The following FMN2 variants were observed in gnomAD, a reference collection of about 807,000 sequenced individuals.
FMN2 encodes formin-2.
FMN2 carries 51 observed loss-of-function variants against 142.3 expected under a neutral mutation model. That is an observed-to-expected ratio of 0.36 (90% CI 0.29 to 0.45). The LOEUF (loss-of-function observed/expected upper bound fraction) is 0.45. FMN2 is among the 20% of genes least tolerant of loss of function. The pLI is 1.00. For synonymous variants in FMN2, 882 were observed against 869.8 expected (o/e 1.01, Z -0.25); for missense variants, 1,936 against 2,122.8 (o/e 0.91, Z 1.73).
intron 1 of FMN2, among the ~76,000 whole-genome samples, chr1:240,104,310 G>A (rs912012148): frequency 6.6e-6 from 1 of 151,446 alleles, no homozygotes; most frequent in Non-Finnish European, 1.5e-5. Flanking sequence ...TCCTCACCTC[G>A]TCCTAAGTGC....
Position 240,473,098 on chromosome 1 carries a change from C to G in FMN2, c.5142+645C>G, listed in dbSNP as rs934325900. 6.6e-6 allele frequency among the ~76,000 whole-genome samples: 1 copy of G among 152,076 alleles called. No individual in the cohort carries two copies. The highest frequency in any genetic ancestry group is 1.5e-5 in the Non-Finnish European group (1 of 68,020). On this transcript the variant is annotated intron_variant, in intron 17 of 17. Transcript: ENST00000319653. The surrounding 1 kb of genome is among the most constrained non-coding windows in gnomAD (Gnocchi z 4.3). ...CACGGCAGAGGCTGTATTTGAGCCA[C>G]GAGTGATCATTCTAATTGGATTAGA...
chr1:240,098,056 T>A (rs941743806), intron 1 of FMN2, among the ~76,000 whole-genome samples: 1 of 151,426 alleles, frequency 6.6e-6, no homozygotes, highest in Non-Finnish European at 1.5e-5. Flanking sequence ...AGAACTTGGA[T>A]TGTGCAACTC....
chr1:240,436,379 C>G (rs1032449068), intron 15 of FMN2, among the ~76,000 whole-genome samples: 3 of 152,148 alleles, frequency 2.0e-5, no homozygotes, highest in Admixed American at 2.0e-4. Flanking sequence ...CAGAGACAGC[C>G]ATAGGCAAGT....
chr1:240,269,447 C>A (rs555713004), intron 7 of FMN2, among the ~76,000 whole-genome samples: 1 of 152,038 alleles, frequency 6.6e-6, no homozygotes, highest in Non-Finnish European at 1.5e-5. Context: ...ATTACTATAG[C>A]TTTGTAATAT....
At chr1:240,173,526 G>C (rs1450814462) in intron 2 of FMN2, among the ~76,000 whole-genome samples, 1 of 152,140 alleles carries the variant, frequency 6.6e-6, no homozygotes, top group Non-Finnish European at 1.5e-5. Context: ...TGATTGATTA[G>C]ACTCCTTGAG....
At chr1:240,276,113 G>T (rs1669197948) in intron 7 of FMN2, among the ~76,000 whole-genome samples, 1 of 152,168 alleles carries the variant, frequency 6.6e-6, no homozygotes, top group African/African-American at 2.4e-5. Flanking sequence ...AGACTAGCCT[G>T]GGCAATCCCT....
chr1:240,266,748 A>G (rs1668825632), intron 7 of FMN2, among the ~76,000 whole-genome samples: 1 of 151,952 alleles, frequency 6.6e-6, no homozygotes, highest in Non-Finnish European at 1.5e-5. Flanking sequence ...GTACAAAAAG[A>G]CACATAGACC....
intron 6 of FMN2, among the ~76,000 whole-genome samples, chr1:240,251,540 T>G (rs1668279224): frequency 6.6e-6 from 1 of 152,232 alleles, no homozygotes; most frequent in Non-Finnish European, 1.5e-5. Flanking sequence ...GAATGTGTGT[T>G]CTCTAGCTGT....
chr1:240,379,352 C>T (rs941294558), intron 14 of FMN2, among the ~76,000 whole-genome samples: 27 of 152,162 alleles, frequency 1.8e-4, no homozygotes, highest in African/African-American at 6.5e-4. Context: ...TGGTTCTTTG[C>T]TTGTACTTGT....
chr1:240,246,466 A>T (rs1668087539), intron 6 of FMN2, among the ~76,000 whole-genome samples: 1 of 152,134 alleles, frequency 6.6e-6, no homozygotes, highest in Non-Finnish European at 1.5e-5. Context: ...TTGGAATTTG[A>T]TACTGTTTTA....
At chr1:240,353,300 C>T (rs371725413) in intron 13 of FMN2, among the ~76,000 whole-genome samples, 12 of 152,286 alleles carry the variant, frequency 7.9e-5, no homozygotes, top group East Asian at 3.9e-4. Flanking sequence ...ATCACACTAA[C>T]GTTAGAGAAT....
rs193201019 is a variant in FMN2, at chr1:240,099,458, G to A, written c.1615+5734G>A. On this transcript the variant is annotated intron_variant, in intron 1 of 17. Transcript: ENST00000319653. ...GGGTGTGGCTGTAAGATTTGGGGGAGGGTGCTGCTTTCCAAAGAAGGGGTG... is the reference window on the plus strand; with the variant it reads ...GGGTGTGGCTGTAAGATTTGGGGGAAGGTGCTGCTTTCCAAAGAAGGGGTG... Among the ~76,000 whole-genome samples the A allele has an allele frequency of 6.4e-4, 98 of 152,100 alleles. 1 individual carries two copies. Among genetic ancestry groups the A allele is most frequent in the African/African-American group, 2.0e-3 (85 of 41,488 alleles).
intron 14 of FMN2, among the ~76,000 whole-genome samples, chr1:240,380,313 A>G (rs1471168964): frequency 6.6e-6 from 1 of 152,202 alleles, no homozygotes; most frequent in African/African-American, 2.4e-5. Context: ...AAAATTGAAA[A>G]TCAATACCAA....
chr1:240,435,462 AT>A (rs1558104822), intron 15 of FMN2, among the ~76,000 whole-genome samples: 1 of 151,650 alleles, frequency 6.6e-6, no homozygotes, highest in Non-Finnish European at 1.5e-5. Flanking sequence ...ATTAGTTATA[AT>A]TTAGAGAATA....
intron 4 of FMN2, among the ~76,000 whole-genome samples, chr1:240,202,190 T>C (rs1198184994): frequency 6.6e-6 from 1 of 152,100 alleles, no homozygotes; most frequent in African/African-American, 2.4e-5. Context: ...AGGATGGAGA[T>C]TGCGAGAGCC....
rs1418093245 is a variant in FMN2 at position 240,188,194 on chromosome 1, C to T, written c.1931-13C>T. 4 of 1,613,394 alleles carry T rather than the reference C, an allele frequency of 2.5e-6. No homozygotes were observed. Among genetic ancestry groups the T allele is most frequent in the Non-Finnish European group, 3.4e-6 (4 of 1,179,638 alleles). On this transcript the variant is annotated splice_polypyrimidine_tract_variant and intron_variant, in intron 3 of 17. Coordinates refer to ENST00000319653, the MANE Select transcript of FMN2 (RefSeq NM_020066.5). The stretch of plus-strand genomic sequence containing the variant: ...CTTTAAGATACTGACTGTCTGCTTC[C>T]TTTCCAATCTAGAATCTCAATCTGC...
At chr1:240,253,955 G>A (rs572107145) in intron 6 of FMN2, among the ~76,000 whole-genome samples, 85 of 152,246 alleles carry the variant, frequency 5.6e-4, no homozygotes, top group African/African-American at 1.9e-3. Flanking sequence ...AGGATGCTAG[G>A]TGGGCCAGTC....
At chr1:240,396,372 C>T (rs564419387) in intron 15 of FMN2, among the ~76,000 whole-genome samples, 24 of 148,400 alleles carry the variant, frequency 1.6e-4, no homozygotes, top group African/African-American at 5.0e-4. Flanking sequence ...TTGACTCATG[C>T]GATTGTAAAA....
At chr1:240,260,957 A>C (rs187561897) in intron 7 of FMN2, among the ~76,000 whole-genome samples, 1 of 152,278 alleles carries the variant, frequency 6.6e-6, no homozygotes, top group African/African-American at 2.4e-5. Flanking sequence ...ATCCAGTTTC[A>C]TTCTCCTACA....
Sources: gnomAD v4.1 joint callset for allele counts (sites outside exome capture counted in the v4.1 genomes callset) on GRCh38, gnomAD v4.1.1 for gene constraint, Gnocchi (gnomAD v3.1) non-coding constraint, MANE v1.5 for transcripts, NCBI Gene and HGNC (gene_info 2026-07-23, HGNC 2026-07-21) for gene names.